KANSL1: variants seen among roughly 807,000 people sequenced by gnomAD.
KANSL1 encodes KAT8 regulatory NSL complex subunit 1.
KANSL1 carries 22 observed loss-of-function variants against 103.6 expected under a neutral mutation model. The ratio of observed to expected loss-of-function variants is 0.21; its 90% CI spans 0.15 to 0.30. The LOEUF is 0.30. Ranked by LOEUF, KANSL1 falls within the 10% of genes least tolerant of loss-of-function variation. The pLI is 1.00. For synonymous variants in KANSL1, 600 were observed against 527.6 expected (o/e 1.14, Z -1.88); for missense variants, 1,337 against 1,399.8 (o/e 0.96, Z 0.72).
chr17:46,068,791 G>C (rs1424441891), intron 4 of KANSL1, among the ~76,000 whole-genome samples: 1 of 152,084 alleles, frequency 6.6e-6, no homozygotes, highest in Non-Finnish European at 1.5e-5. Context: ...TATTTACTAG[G>C]CTCAAAACGG....
intron 4 of KANSL1, among the ~76,000 whole-genome samples, chr17:46,074,837 C>T (rs866259027): frequency 6.6e-6 from 1 of 151,260 alleles, no homozygotes; most frequent in East Asian, 1.9e-4. Flanking sequence ...GGGAAAAATG[C>T]TAATTTTACA....
At chr17:46,041,780 T>C (rs1023687973) in intron 7 of KANSL1, 1 of 152,208 alleles carries the variant, frequency 6.6e-6, no homozygotes, top group Non-Finnish European at 1.5e-5. Context: ...TCTTTCTATT[T>C]ATTTCTTCAC....
intron 2 of KANSL1, among the ~76,000 whole-genome samples, chr17:46,167,947 C>T (rs1270877365): frequency 6.6e-6 from 1 of 152,208 alleles, no homozygotes; most frequent in Admixed American, 6.5e-5. Flanking sequence ...CATTTAAAAA[C>T]AGCTCATTCC....
chr17:46,172,620 CAG>C (rs1205215355), intron 1 of KANSL1, among the ~76,000 whole-genome samples: 11 of 152,240 alleles, frequency 7.2e-5, no homozygotes, highest in Non-Finnish European at 5.9e-5. Context: ...AATAATTAAA[CAG>C]AAAAAAATTA....
At chr17:46,139,174 T>C (rs1270511947) in intron 2 of KANSL1, among the ~76,000 whole-genome samples, 2 of 152,186 alleles carry the variant, frequency 1.3e-5, no homozygotes, top group South Asian at 2.1e-4. Flanking sequence ...CAATGTCTAT[T>C]TACTAATGTC....
rs980964819 is a variant in KANSL1 at position 46,193,025 on chromosome 17, G to A, written c.-292C>T. The A allele has an allele frequency of 2.6e-5, 4 of 153,276 alleles. No individual in the cohort carries two copies. The highest frequency in any genetic ancestry group is 7.2e-5 in the African/African-American group (3 of 41,384). The allele number at this position is 153,276 out of a possible 1,614,324, so 9.5% of individuals were successfully genotyped here. A position where few individuals can be genotyped will look rare whatever the true frequency, so the allele number is the denominator to read the frequency against. On this transcript the variant is annotated 5_prime_UTR_variant, in exon 1 of 15. Coordinates refer to ENST00000432791, the MANE Select transcript of KANSL1 (RefSeq NM_015443.4). ...GGCGGGGGGGCGAGGCAGAGGGGGA[G>A]GGGAAGGCGGCGGCGGGGAGCGGCT...
intron 1 of KANSL1, among the ~76,000 whole-genome samples, chr17:46,180,412 C>T (rs866953884): frequency 6.6e-5 from 10 of 151,966 alleles, no homozygotes; most frequent in Non-Finnish European, 1.2e-4. Flanking sequence ...GTAGGAGAAT[C>T]GCTGAAACCT....
At chr17:46,173,877 C>T (rs763997) in intron 1 of KANSL1, among the ~76,000 whole-genome samples, 17,288 of 150,414 alleles carry the variant, frequency 0.11, no homozygotes, top group Non-Finnish European at 0.17. Context: ...GCATAAAGCA[C>T]TCTGCTGCTT....
intron 2 of KANSL1, among the ~76,000 whole-genome samples, chr17:46,104,608 A>G (rs1462857038): frequency 1.3e-5 from 2 of 152,238 alleles, no homozygotes; most frequent in African/African-American, 4.8e-5. Flanking sequence ...AAATATAAAC[A>G]ATATGAGAGA....
At chr17:46,160,367 G>A (rs1262165842) in intron 2 of KANSL1, among the ~76,000 whole-genome samples, 1 of 152,038 alleles carries the variant, frequency 6.6e-6, no homozygotes, top group Non-Finnish European at 1.5e-5. Context: ...GTGCAATCTC[G>A]ACTCACTGCA....
At chr17:46,066,766 A>G (rs2078393488) in intron 5 of KANSL1, 34 bp from the exon 6 acceptor site, 15 of 1,458,686 alleles carry the variant, frequency 1.0e-5, no homozygotes, top group Non-Finnish European at 1.3e-5. Flanking sequence ...TTCTCAGAAC[A>G]CACAAAGAAA....
Position 46,033,464 on chromosome 17 carries a change from C to CA in KANSL1, c.2667-5dup, listed in dbSNP as rs1244009453. 1 of 1,613,970 alleles carries CA rather than the reference C, an allele frequency of 6.2e-7. No individual in the cohort carries two copies. The highest frequency in any genetic ancestry group is 2.2e-5 in the East Asian group (1 of 44,884). Reference sequence around the variant, plus strand: ...CTGAAGATCAACCTCCCGCCAGCTGCAAAACCAAGAACAGACAATCATGAG... The same window carrying CA: ...CTGAAGATCAACCTCCCGCCAGCTGCAAAAACCAAGAACAGACAATCATGAG... On this transcript the variant is annotated splice_polypyrimidine_tract_variant and splice_region_variant and intron_variant, in intron 11 of 14. Coordinates refer to ENST00000432791, the MANE Select transcript of KANSL1 (RefSeq NM_015443.4).
chr17:46,132,650 G>A (rs967733203), intron 2 of KANSL1, among the ~76,000 whole-genome samples: 3 of 152,148 alleles, frequency 2.0e-5, no homozygotes, highest in Non-Finnish European at 4.4e-5. Context: ...CTAATTTTAC[G>A]TATAAAGAAC....
intron 1 of KANSL1, among the ~76,000 whole-genome samples, chr17:46,204,180 G>A (rs1156879556): frequency 1.3e-5 from 2 of 152,088 alleles, no homozygotes; most frequent in Non-Finnish European, 2.9e-5. Context: ...AAAAAGGCCG[G>A]GTGTGGTGGC....
intron 2 of KANSL1, among the ~76,000 whole-genome samples, chr17:46,100,878 A>T (rs559896619): frequency 1.1e-3 from 171 of 152,350 alleles, no homozygotes; most frequent in African/African-American, 3.5e-3. Flanking sequence ...TGGTAATTTC[A>T]ACTTTGATTC....
intron 2 of KANSL1, among the ~76,000 whole-genome samples, chr17:46,143,803 C>CAAAAAAAAAA (rs57361021): frequency 4.3e-3 from 368 of 85,474 alleles, no homozygotes; most frequent in Non-Finnish European, 5.4e-3. Context: ...GACTCCATCT[C>CAAAAAAAAAA]AAAAAAAAAA....
chr17:46,211,285 G>T (rs1339834455), intron 1 of KANSL1, among the ~76,000 whole-genome samples: 1 of 147,024 alleles, frequency 6.8e-6, no homozygotes, highest in Non-Finnish European at 1.5e-5. Flanking sequence ...GGAAAAAACT[G>T]TAAATCAAGG....
intron 13 of KANSL1, 86 bp from the exon 14 acceptor site, chr17:46,032,385 G>C (rs1228425060): frequency 2.5e-6 from 3 of 1,215,308 alleles, no homozygotes; most frequent in Non-Finnish European, 3.4e-6. Flanking sequence ...CCCCACTGGA[G>C]GAGTTGAGGC....
chr17:46,105,947 A>ACACACCC (rs1396276906), intron 2 of KANSL1, among the ~76,000 whole-genome samples: 7 of 57,778 alleles, frequency 1.2e-4, no homozygotes, highest in East Asian at 5.5e-4. Context: ...ACACACACAC[A>ACACACCC]CCCCCCCAGA....
Sources: allele counts gnomAD v4.1 joint callset (sites outside exome capture counted in the v4.1 genomes callset), GRCh38; gene constraint gnomAD v4.1.1; transcripts MANE v1.5; gene names NCBI Gene and HGNC (gene_info 2026-07-23, HGNC 2026-07-21).